SMIM1: variants seen among roughly 807,000 people sequenced by gnomAD.
SMIM1 encodes small integral membrane protein 1.
In SMIM1, 7 loss-of-function variants were observed where a neutral mutation model predicts 7.7. That is an observed-to-expected ratio of 0.91 (90% CI 0.52 to 1.71). The LOEUF is 1.71. Among genes scored for constraint, SMIM1 ranks in the 40% most tolerant of loss-of-function variants. The pLI is 0.00. For synonymous variants in SMIM1, 41 were observed against 42.7 expected (o/e 0.96, Z 0.16); for missense variants, 95 against 102.8 (o/e 0.92, Z 0.33).
chr1:3,775,568 C>T lies in SMIM1; in HGVS notation c.110+85C>T. The T allele has an allele frequency of 7.6e-7, 1 of 1,320,866 alleles. No individual in the cohort carries two copies. Among genetic ancestry groups the T allele is most frequent in the Non-Finnish European group, 1.0e-6 (1 of 965,786 alleles). 81.8% of individuals were successfully genotyped at this position (1,320,866 alleles called of 1,614,324 possible). Reference sequence around the variant, plus strand: ...CCTGCCCTAACCCCTGCTACCGGCCCCATCACCCTCCACCCCATCCTGGCT... The same window carrying T: ...CCTGCCCTAACCCCTGCTACCGGCCTCATCACCCTCCACCCCATCCTGGCT... On this transcript the variant is annotated intron_variant, in intron 3 of 3. Coordinates refer to ENST00000642557, the MANE Select transcript of SMIM1 (RefSeq NM_001288583.2). This position sits in a 1 kb window ranked among gnomAD's most constrained non-coding sequence, Gnocchi z 5.3.
rs922460090 is a variant in SMIM1, at chr1:3,775,555, C to T, written c.110+72C>T. ...CCCTCCAGAGACGCCTGCCCTAACC[C>T]CTGCTACCGGCCCCATCACCCTCCA... On this transcript the variant is annotated intron_variant, in intron 3 of 3. Transcript: ENST00000642557. The surrounding 1 kb of genome is among the most constrained non-coding windows in gnomAD (Gnocchi z 5.3). The T allele has an allele frequency of 1.4e-6, 2 of 1,389,244 alleles. No individual in the cohort carries two copies. Among genetic ancestry groups the T allele is most frequent in the Admixed American group, 4.4e-5 (2 of 45,338 alleles). The allele number at this position is 1,389,244 out of a possible 1,614,324, so 86.1% of individuals were successfully genotyped here. A position where few individuals can be genotyped will look rare whatever the true frequency, so the allele number is the denominator to read the frequency against.
Position 3,775,522 on chromosome 1 carries a change from T to G in SMIM1, c.110+39T>G. On this transcript the variant is annotated intron_variant, in intron 3 of 3. Coordinates refer to ENST00000642557, the MANE Select transcript of SMIM1 (RefSeq NM_001288583.2). This position sits in a 1 kb window ranked among gnomAD's most constrained non-coding sequence, Gnocchi z 5.3. ...GGGCAGCCTGCCAGCCATAGCAGGCTGGTGTCTCCCTCCAGAGACGCCTGC... is the reference window on the plus strand; with the variant it reads ...GGGCAGCCTGCCAGCCATAGCAGGCGGGTGTCTCCCTCCAGAGACGCCTGC... 6.6e-7 allele frequency: 1 copy of G among 1,514,930 alleles called. No individual in the cohort carries two copies. Among genetic ancestry groups the G allele is most frequent in the East Asian group, 2.5e-5 (1 of 40,648 alleles). The allele number at this position is 1,514,930 out of a possible 1,614,324, so 93.8% of individuals were successfully genotyped here.
At chr1:3,773,341 C>T (rs930505044) in intron 2 of SMIM1, among the ~76,000 whole-genome samples, 160 bp downstream of exon 2, 3 of 152,246 alleles carry the variant, frequency 2.0e-5, no homozygotes, top group African/African-American at 7.2e-5. Flanking sequence ...TGCCGCCACA[C>T]CTGTGACCAT....
intron 2 of SMIM1, among the ~76,000 whole-genome samples, chr1:3,774,331 C>T (rs1570729334): frequency 1.3e-5 from 2 of 152,194 alleles, no homozygotes; most frequent in East Asian, 1.9e-4. Context: ...ACTTCTCGTG[C>T]CCCCTCCAAC....
chr1:3,775,904 G>A lies in SMIM1; in HGVS notation c.220G>A (p.Val74Met), dbSNP rs373895822. 2 of 1,550,012 alleles carry A rather than the reference G, an allele frequency of 1.3e-6. No individual in the cohort carries two copies. The highest frequency in any genetic ancestry group is 2.0e-5 in the Admixed American group (1 of 50,964). ...CCTGGGCTACCTCACAGGCTACTAT[G>A]TGCACAAGTGCAAATAAATGCTGCC... is the stretch of plus-strand genomic sequence containing the variant. ...FILGYLTGYY[V>M]HKCK The change falls in exon 4 of 4, where the codon GTG becomes ATG. Residue 74 changes from valine (V) to methionine (M), a missense_variant. By Grantham distance (21) the Val-to-Met change is conservative. Coordinates refer to ENST00000642557, the MANE Select transcript of SMIM1 (RefSeq NM_001288583.2). The surrounding 1 kb of genome is among the most constrained non-coding windows in gnomAD (Gnocchi z 5.3).
chr1:3,773,632 T>G (rs575537434), intron 2 of SMIM1, among the ~76,000 whole-genome samples: 31 of 152,236 alleles, frequency 2.0e-4, no homozygotes, highest in African/African-American at 6.5e-4. Context: ...GCTCCAGCCA[T>G]CACGTCGAGT....
chr1:3,775,514 T>C lies in SMIM1; in HGVS notation c.110+31T>C, dbSNP rs1405704195. 6 of 1,527,774 alleles carry C rather than the reference T, an allele frequency of 3.9e-6. No individual in the cohort carries two copies. In the South Asian group the frequency reaches 6.0e-5, roughly 15 times the overall value. The allele number at this position is 1,527,774 out of a possible 1,614,324, so 94.6% of individuals were successfully genotyped here. On this transcript the variant is annotated intron_variant, in intron 3 of 3. Coordinates refer to ENST00000642557, the MANE Select transcript of SMIM1 (RefSeq NM_001288583.2). This position sits in a 1 kb window ranked among gnomAD's most constrained non-coding sequence, Gnocchi z 5.3. ...GGGCCTGAGGGCAGCCTGCCAGCCA[T>C]AGCAGGCTGGTGTCTCCCTCCAGAG... is the stretch of plus-strand genomic sequence containing the variant.
chr1:3,774,675 ACCCCGG>A (rs56717948), intron 2 of SMIM1, among the ~76,000 whole-genome samples: 18,460 of 151,894 alleles, frequency 0.12, 1,865 homozygotes, highest in East Asian at 0.55. Flanking sequence ...CCTTGAATCC[ACCCCGG>A]CCCCGTGCTC....
At chr1:3,774,846 C>A (rs1274014938) in intron 2 of SMIM1, among the ~76,000 whole-genome samples, 3 of 150,722 alleles carry the variant, frequency 2.0e-5, no homozygotes, top group African/African-American at 7.3e-5. Flanking sequence ...CCAGCCGCTG[C>A]CCCGGACCTG....
chr1:3,775,907 C>T lies in SMIM1; in HGVS notation c.223C>T (p.His75Tyr). The T allele has an allele frequency of 6.5e-7, 1 of 1,550,116 alleles. No homozygotes were observed. Among genetic ancestry groups the T allele is most frequent in the African/African-American group, 1.4e-5 (1 of 73,180 alleles). The change falls in exon 4 of 4, where the codon CAC becomes TAC. Residue 75 changes from histidine (H) to tyrosine (Y), a missense_variant. Coordinates refer to ENST00000642557, the MANE Select transcript of SMIM1 (RefSeq NM_001288583.2). The surrounding 1 kb of genome is among the most constrained non-coding windows in gnomAD (Gnocchi z 5.3). Reference sequence around the variant, plus strand: ...GGGCTACCTCACAGGCTACTATGTGCACAAGTGCAAATAAATGCTGCCCCG... The same window carrying T: ...GGGCTACCTCACAGGCTACTATGTGTACAAGTGCAAATAAATGCTGCCCCG... ...ILGYLTGYYV[H>Y]KCK
chr1:3,775,285 C>T lies in SMIM1; in HGVS notation c.-75-14C>T, dbSNP rs1205826330. The T allele has an allele frequency of 1.3e-5, 13 of 986,412 alleles. No homozygotes were observed. The highest frequency in any genetic ancestry group is 3.3e-5 in the African/African-American group (2 of 60,964). 61.1% of individuals were successfully genotyped at this position (986,412 alleles called of 1,614,324 possible). A position where few individuals can be genotyped will look rare whatever the true frequency, so the allele number is the denominator to read the frequency against. On this transcript the variant is annotated splice_polypyrimidine_tract_variant and intron_variant, in intron 2 of 3. Coordinates refer to ENST00000642557, the MANE Select transcript of SMIM1 (RefSeq NM_001288583.2). The surrounding 1 kb of genome is among the most constrained non-coding windows in gnomAD (Gnocchi z 5.3). ...GGGGTCTTGACTGCCGCCCTCCATC[C>T]GCTTGTTTTACAGTGAAGCCACAGC...
chr1:3,775,934 A>G lies in SMIM1; in HGVS notation c.*13A>G, dbSNP rs61759303. On this transcript the variant is annotated 3_prime_UTR_variant, in exon 4 of 4. Coordinates refer to ENST00000642557, the MANE Select transcript of SMIM1 (RefSeq NM_001288583.2). The surrounding 1 kb of genome is among the most constrained non-coding windows in gnomAD (Gnocchi z 5.3). The stretch of plus-strand genomic sequence containing the variant: ...CAAGTGCAAATAAATGCTGCCCCGC[A>G]TGCACGCGGGGGGCTGGCCGCACAC... The G allele has an allele frequency of 1.4e-5, 22 of 1,546,990 alleles. No individual in the cohort carries two copies. The highest frequency in any genetic ancestry group is 1.9e-5 in the Non-Finnish European group (22 of 1,146,464).
In SMIM1 at chr1:3,775,343, G is replaced by T; in HGVS notation, c.-31G>T. On this transcript the variant is annotated 5_prime_UTR_variant, in exon 3 of 4. It adds an upstream start codon to the 5' untranslated region. Coordinates refer to ENST00000642557, the MANE Select transcript of SMIM1 (RefSeq NM_001288583.2). The surrounding 1 kb of genome is among the most constrained non-coding windows in gnomAD (Gnocchi z 5.3). Reference sequence around the variant, plus strand: ...CCTGTCTTGATCTCCCCACCGAGAAGGCCCCGCCCCTCCCGCTGCAGCCCC... The same window carrying T: ...CCTGTCTTGATCTCCCCACCGAGAATGCCCCGCCCCTCCCGCTGCAGCCCC... 2 of 1,523,274 alleles carry T rather than the reference G, an allele frequency of 1.3e-6. No homozygotes were observed. The highest frequency in any genetic ancestry group is 2.4e-5 in the South Asian group (2 of 83,320). The allele number at this position is 1,523,274 out of a possible 1,614,324, so 94.4% of individuals were successfully genotyped here.
intron 2 of SMIM1, among the ~76,000 whole-genome samples, chr1:3,773,913 T>G (rs1643419917): frequency 6.6e-6 from 1 of 152,204 alleles, no homozygotes. Flanking sequence ...CATACTCCAG[T>G]AGAGGCTGGG....
chr1:3,775,782 G>T lies in SMIM1; in HGVS notation c.111-13G>T. 1 of 1,548,824 alleles carries T rather than the reference G, an allele frequency of 6.5e-7. No individual in the cohort carries two copies. The highest frequency in any genetic ancestry group is 8.7e-7 in the Non-Finnish European group (1 of 1,146,624). On this transcript the variant is annotated splice_polypyrimidine_tract_variant and intron_variant, in intron 3 of 3. Transcript: ENST00000642557. This position sits in a 1 kb window ranked among gnomAD's most constrained non-coding sequence, Gnocchi z 5.3. ...CTGGCCTGGGGCTCACCTCCAGTTG[G>T]TTCTCACCCCAGGATCTCCCAGAGG...
Position 3,775,262 on chromosome 1 carries a change from G to T in SMIM1, c.-75-37G>T. The stretch of plus-strand genomic sequence containing the variant: ...CTCTCCTAACAGCAGCCTCAGAGGG[G>T]GTCTTGACTGCCGCCCTCCATCCGC... On this transcript the variant is annotated intron_variant, in intron 2 of 3. Coordinates refer to ENST00000642557, the MANE Select transcript of SMIM1 (RefSeq NM_001288583.2). The surrounding 1 kb of genome is among the most constrained non-coding windows in gnomAD (Gnocchi z 5.3). The T allele has an allele frequency of 1.4e-6, 1 of 722,678 alleles. No homozygotes were observed. Among genetic ancestry groups the T allele is most frequent in the Admixed American group, 2.8e-5 (1 of 35,768 alleles). The allele number at this position is 722,678 out of a possible 1,614,324, so 44.8% of individuals were successfully genotyped here. A position where few individuals can be genotyped will look rare whatever the true frequency, so the allele number is the denominator to read the frequency against.
Position 3,775,422 on chromosome 1 carries a change from A to G in SMIM1, c.49A>G (p.Ser17Gly). 1 of 1,550,498 alleles carries G rather than the reference A, an allele frequency of 6.4e-7. No homozygotes were observed. Among genetic ancestry groups the G allele is most frequent in the South Asian group, 1.2e-5 (1 of 84,028 alleles). The change falls in exon 3 of 4, where the codon AGC (serine) becomes GGC (glycine). Residue 17 changes from serine to glycine, a missense_variant. Physicochemically the swap from Ser to Gly is moderately conservative, Grantham distance 56. Coordinates refer to ENST00000642557, the MANE Select transcript of SMIM1 (RefSeq NM_001288583.2). The surrounding 1 kb of genome is among the most constrained non-coding windows in gnomAD (Gnocchi z 5.3). ...CCACTATAGTAGGTGGGAGGACGGC[A>G]GCAGGGACGGAGTCAGCCTAGGGGC... ...HVHYSRWEDG[S>G]RDGVSLGAVS...
chr1:3,775,713 C>A lies in SMIM1; in HGVS notation c.111-82C>A. ...AGCGCCCAGGCCCCTCCCCCTGACCCAGACCAACGGCCACAGTCCACTTAG... is the reference window on the plus strand; with the variant it reads ...AGCGCCCAGGCCCCTCCCCCTGACCAAGACCAACGGCCACAGTCCACTTAG... On this transcript the variant is annotated intron_variant, in intron 3 of 3. Coordinates refer to ENST00000642557, the MANE Select transcript of SMIM1 (RefSeq NM_001288583.2). This position sits in a 1 kb window ranked among gnomAD's most constrained non-coding sequence, Gnocchi z 5.3. The A allele has an allele frequency of 6.7e-7, 1 of 1,491,882 alleles. No homozygotes were observed. Among genetic ancestry groups the A allele is most frequent in the South Asian group, 1.3e-5 (1 of 76,710 alleles). The allele number at this position is 1,491,882 out of a possible 1,614,324, so 92.4% of individuals were successfully genotyped here.
intron 2 of SMIM1, among the ~76,000 whole-genome samples, chr1:3,774,876 C>G (rs933035763): frequency 1.5e-4 from 23 of 152,104 alleles, no homozygotes; most frequent in Non-Finnish European, 3.1e-4. Context: ...CCCACCCCCC[C>G]CTCCCCTGGC....
Sources: gnomAD v4.1 joint callset for allele counts (sites outside exome capture counted in the v4.1 genomes callset) on GRCh38, gnomAD v4.1.1 for gene constraint, Gnocchi (gnomAD v3.1) non-coding constraint, MANE v1.5 for transcripts, NCBI Gene and HGNC (gene_info 2026-07-23, HGNC 2026-07-21) for gene names.